Variants in EMCN observed in about 807,000 individuals in gnomAD.
The protein encoded by EMCN is MUC-14.
In EMCN, 37 loss-of-function variants were observed where a neutral mutation model predicts 38.4. That is an observed-to-expected ratio of 0.96 (90% CI 0.74 to 1.27). The LOEUF (loss-of-function observed/expected upper bound fraction) is 1.27, where lower values mean the gene tolerates loss of function less well. Ranked by LOEUF, EMCN falls within the 50% of genes most tolerant of loss-of-function variation. The pLI is 0.00. For synonymous variants in EMCN, 95 were observed against 100.8 expected (o/e 0.94, Z 0.35); for missense variants, 318 against 302.8 (o/e 1.05, Z -0.37).
intron 3 of EMCN, among the ~76,000 whole-genome samples, chr4:100,467,638 C>T (rs375764189): frequency 0.019 from 2,761 of 146,176 alleles, 37 homozygotes; most frequent in Non-Finnish European, 0.028. Flanking sequence ...GCCGGGATAG[C>T]GCCACTGCAG....
intron 1 of EMCN, among the ~76,000 whole-genome samples, chr4:100,507,137 A>AGGC (rs1453087797): frequency 6.6e-6 from 1 of 152,198 alleles, no homozygotes; most frequent in African/African-American, 2.4e-5. Flanking sequence ...TATAGGATAG[A>AGGC]GGCCCAGGAT....
chr4:100,448,517 A>G (rs1037823698), intron 4 of EMCN, among the ~76,000 whole-genome samples: 15 of 152,104 alleles, frequency 9.9e-5, no homozygotes, highest in Admixed American at 9.8e-4. Flanking sequence ...TGAGTTGCCT[A>G]TGTTTCTCAC....
chr4:100,475,302 T>TACACACACACACACACAC lies in EMCN; in HGVS notation c.188-211_188-194dup, dbSNP rs59162117. On this transcript the variant is annotated intron_variant, in intron 2 of 11. Coordinates refer to ENST00000296420, the MANE Select transcript of EMCN (RefSeq NM_016242.4). ...ATGTATATTAAATATTTGGGTGGCC[T>TACACACACACACACACAC]ACACACACACACACACACACACACA... is the stretch of plus-strand genomic sequence containing the variant. 5.7e-4 allele frequency among the ~76,000 whole-genome samples: 82 copies of TACACACACACACACACAC among 143,096 alleles called. 2 individuals are homozygous for TACACACACACACACACAC. The highest frequency in any genetic ancestry group is 3.7e-3 in the Middle Eastern group (1 of 272). 93.9% of individuals were successfully genotyped at this position (143,096 alleles called of 152,430 possible). A position where few individuals can be genotyped will look rare whatever the true frequency, so the allele number is the denominator to read the frequency against.
intron 4 of EMCN, among the ~76,000 whole-genome samples, chr4:100,455,723 C>T (rs1001398151): frequency 6.6e-6 from 1 of 151,804 alleles, no homozygotes; most frequent in Non-Finnish European, 1.5e-5. Flanking sequence ...CAACTTGGGG[C>T]TCTTTAAGTT....
chr4:100,459,565 C>T (rs1167707207), intron 4 of EMCN, among the ~76,000 whole-genome samples: 1 of 152,088 alleles, frequency 6.6e-6, no homozygotes, highest in Non-Finnish European at 1.5e-5. Context: ...AACATCTTCT[C>T]ATTCCCACCC....
intron 10 of EMCN, among the ~76,000 whole-genome samples, chr4:100,414,871 T>A (rs1012226434): frequency 1.3e-5 from 2 of 152,172 alleles, no homozygotes; most frequent in African/African-American, 4.8e-5. Flanking sequence ...TGTAACATGA[T>A]ATTTAAATTA....
rs76735384 is a variant in EMCN, at chr4:100,491,241, C to A, written c.65-11202G>T. ...AAACAAACTTTGCCTAGACTAATGT[C>A]TCTATTCTGTTCCATAGGTTGATGA... is the stretch of plus-strand genomic sequence containing the variant. On this transcript the variant is annotated intron_variant, in intron 1 of 11. Transcript: ENST00000296420. Among the ~76,000 whole-genome samples, 1,453 of 152,274 alleles carry A rather than the reference C, an allele frequency of 9.5e-3. 24 individuals are homozygous for A. The highest frequency in any genetic ancestry group is 0.033 in the African/African-American group (1,367 of 41,560).
chr4:100,409,320 T>G (rs17030073), intron 11 of EMCN, among the ~76,000 whole-genome samples: 26,360 of 152,106 alleles, frequency 0.17, 3,805 homozygotes, highest in East Asian at 0.77. Context: ...TAATCAATAC[T>G]TCTTGTAACA....
At chr4:100,463,421 A>G (rs1195448944) in intron 4 of EMCN, among the ~76,000 whole-genome samples, 1 of 152,248 alleles carries the variant, frequency 6.6e-6, no homozygotes, top group African/African-American at 2.4e-5. Flanking sequence ...TTCTAGTTCA[A>G]ACTACTCAGA....
intron 3 of EMCN, among the ~76,000 whole-genome samples, chr4:100,471,903 C>T (rs1045632276): frequency 9.9e-5 from 15 of 151,868 alleles, no homozygotes; most frequent in African/African-American, 3.6e-4. Context: ...ACACACTCAA[C>T]GAACTAGTAA....
intron 5 of EMCN, among the ~76,000 whole-genome samples, chr4:100,438,309 T>C (rs1169906479): frequency 6.6e-6 from 1 of 152,114 alleles, no homozygotes; most frequent in African/African-American, 2.4e-5. Flanking sequence ...CAACGTATGA[T>C]GGGTTTATCA....
At chr4:100,461,183 C>T (rs1261566563) in intron 4 of EMCN, among the ~76,000 whole-genome samples, 1 of 152,140 alleles carries the variant, frequency 6.6e-6, no homozygotes, top group South Asian at 2.1e-4. Flanking sequence ...CTTTGTATTT[C>T]CTCTTTGAAT....
chr4:100,447,389 G>A (rs1727702127), intron 5 of EMCN, 144 bp downstream of exon 5: 1 of 631,478 alleles, frequency 1.6e-6, no homozygotes, highest in African/African-American at 1.8e-5. Context: ...TTAAACTCAA[G>A]TTTTTCTAAA....
chr4:100,502,977 T>C (rs1729390376), intron 1 of EMCN, among the ~76,000 whole-genome samples: 1 of 152,126 alleles, frequency 6.6e-6, no homozygotes, highest in Admixed American at 6.5e-5. Context: ...TTTTAAAAAA[T>C]CTTTTTTCAT....
intron 4 of EMCN, among the ~76,000 whole-genome samples, chr4:100,455,460 G>A (rs1014131138): frequency 1.0e-4 from 15 of 149,340 alleles, no homozygotes; most frequent in African/African-American, 2.2e-4. Context: ...TATGAATTTC[G>A]CAGCTTTTAT....
intron 5 of EMCN, among the ~76,000 whole-genome samples, chr4:100,425,252 T>C (rs866107920): frequency 6.6e-6 from 1 of 151,192 alleles, no homozygotes; most frequent in Non-Finnish European, 1.5e-5. Flanking sequence ...TTTAGCATGA[T>C]CATATTGCTG....
chr4:100,459,329 A>G (rs779577302), intron 4 of EMCN, among the ~76,000 whole-genome samples: 8 of 151,802 alleles, frequency 5.3e-5, no homozygotes, highest in Admixed American at 1.3e-4. Context: ...ATGGTGTACA[A>G]TGTGATGTTT....
At chr4:100,456,448 G>C (rs1354642172) in intron 4 of EMCN, among the ~76,000 whole-genome samples, 1 of 151,988 alleles carries the variant, frequency 6.6e-6, no homozygotes, top group Non-Finnish European at 1.5e-5. Context: ...TTTCCTGCCT[G>C]ATATATGCAT....
At chr4:100,500,303 C>A (rs116627719) in intron 1 of EMCN, among the ~76,000 whole-genome samples, 125 of 152,226 alleles carry the variant, frequency 8.2e-4, no homozygotes, top group African/African-American at 2.9e-3. Context: ...ATTTAAAATT[C>A]TTAAACTCAA....
Sources: gnomAD v4.1 joint callset for allele counts (sites outside exome capture counted in the v4.1 genomes callset) on GRCh38, gnomAD v4.1.1 for gene constraint, MANE v1.5 for transcripts, NCBI Gene and HGNC (gene_info 2026-07-23, HGNC 2026-07-21) for gene names.